The following PLA2G5 variants were observed in gnomAD, a reference collection of about 807,000 sequenced individuals.
The protein encoded by PLA2G5 is Ca2+-dependent phospholipase A2.
PLA2G5 carries 12 observed loss-of-function variants against 15.9 expected under a neutral mutation model. The ratio of observed to expected loss-of-function variants is 0.76; its 90% confidence interval spans 0.48 to 1.23. The LOEUF is 1.23. Among genes scored for constraint, PLA2G5 ranks in the 50% most tolerant of loss-of-function variants. PLA2G5 has a pLI of 0.00. For missense variants in PLA2G5, 169 were observed against 177.1 expected (o/e 0.95, Z 0.26); for synonymous variants, 71 against 71.4 (o/e 0.99, Z 0.03).
intron 1 of PLA2G5, among the ~76,000 whole-genome samples, chr1:20,045,833 A>G (rs1301874342): frequency 6.6e-6 from 1 of 152,190 alleles, no homozygotes; most frequent in Non-Finnish European, 1.5e-5. Flanking sequence ...AAACAGCTTT[A>G]TTGCTCACAC....
chr1:20,088,377 A>G (rs978534751), intron 3 of PLA2G5, among the ~76,000 whole-genome samples: 8 of 151,590 alleles, frequency 5.3e-5, no homozygotes, highest in African/African-American at 1.7e-4. Context: ...AAAAAAAGGC[A>G]AGACAATGAA....
At chr1:20,088,100 G>A (rs1217743380) in intron 3 of PLA2G5, among the ~76,000 whole-genome samples, 1 of 151,096 alleles carries the variant, frequency 6.6e-6, no homozygotes. Flanking sequence ...GCTCACGCCT[G>A]TAATCCCAGC....
At chr1:20,044,847 C>G (rs895755984) in intron 1 of PLA2G5, among the ~76,000 whole-genome samples, 13 of 151,128 alleles carry the variant, frequency 8.6e-5, no homozygotes, top group African/African-American at 2.7e-4. Flanking sequence ...TCAGATGGGT[C>G]GGTAGAAAAG....
intron 1 of PLA2G5, among the ~76,000 whole-genome samples, chr1:20,034,916 G>GA (rs1356845096): frequency 2.0e-5 from 3 of 152,082 alleles, no homozygotes; most frequent in Non-Finnish European, 4.4e-5. Context: ...GAGGAAAAAG[G>GA]AGAGTCACCC....
intron 2 of PLA2G5, among the ~76,000 whole-genome samples, chr1:20,064,789 G>T (rs574598359): frequency 6.6e-6 from 1 of 152,208 alleles, no homozygotes; most frequent in Admixed American, 6.5e-5. Flanking sequence ...CTCCAGTCTT[G>T]TTTGTCTGCT....
At chr1:20,084,072 A>T (rs1282400123) in intron 1 of PLA2G5, among the ~76,000 whole-genome samples, 4 of 151,934 alleles carry the variant, frequency 2.6e-5, no homozygotes, top group African/African-American at 9.7e-5. Flanking sequence ...TGTCAAAAAT[A>T]ATTATGTGAA....
At chr1:20,045,703 C>A (rs1051505075) in intron 1 of PLA2G5, among the ~76,000 whole-genome samples, 2 of 152,204 alleles carry the variant, frequency 1.3e-5, no homozygotes, top group Non-Finnish European at 1.5e-5. Context: ...ATAGGTGGAT[C>A]TTTCTCATGG....
chr1:20,042,995 GAA>G (rs771375719), intron 1 of PLA2G5, among the ~76,000 whole-genome samples: 1 of 152,164 alleles, frequency 6.6e-6, no homozygotes, highest in Non-Finnish European at 1.5e-5. Context: ...CGGACGGAAA[GAA>G]AGTAAATCAT....
At chr1:20,068,516 A>G (rs1302867444), upstream of PLA2G5, among the ~76,000 whole-genome samples, 2 of 151,358 alleles carry the variant, frequency 1.3e-5, no homozygotes, top group East Asian at 3.9e-4. Flanking sequence ...CAATGGCACA[A>G]TCTCTGCTCA....
chr1:20,039,665 G>C (rs2013477447), intron 1 of PLA2G5, among the ~76,000 whole-genome samples: 2 of 152,064 alleles, frequency 1.3e-5, no homozygotes, highest in Non-Finnish European at 2.9e-5. Flanking sequence ...AAAGTGAGGG[G>C]AAGTGGAGAG....
At chr1:20,040,492 T>C (rs1052565917) in intron 1 of PLA2G5, among the ~76,000 whole-genome samples, 2 of 152,130 alleles carry the variant, frequency 1.3e-5, no homozygotes, top group Non-Finnish European at 2.9e-5. Flanking sequence ...TTTTTCCTTT[T>C]TCTCAAAATG....
chr1:20,029,949 C>G (rs1012562608), intron 1 of PLA2G5, among the ~76,000 whole-genome samples: 1 of 152,154 alleles, frequency 6.6e-6, no homozygotes, highest in Non-Finnish European at 1.5e-5. Context: ...GTTATGGTGG[C>G]AAGCCATGAG....
intron 1 of PLA2G5, among the ~76,000 whole-genome samples, chr1:20,073,709 C>T (rs1293338615): frequency 6.6e-6 from 1 of 151,974 alleles, no homozygotes; most frequent in Non-Finnish European, 1.5e-5. Context: ...ATGGTGAAAC[C>T]CCGTCTCTAT....
At chr1:20,069,099 TTTATACTCATCAGA>T (rs1305012605), upstream of PLA2G5, 3 of 462,562 alleles carry the variant, frequency 6.5e-6, no homozygotes, top group African/African-American at 6.0e-5. Flanking sequence ...GATACGCAAT[TTTATACTCATCAGA>T]TTGGGAAGAA....
intron 1 of PLA2G5, among the ~76,000 whole-genome samples, chr1:20,042,256 G>A (rs1406070942): frequency 6.6e-6 from 1 of 152,172 alleles, no homozygotes; most frequent in Non-Finnish European, 1.5e-5. Flanking sequence ...CTGGTGAGTG[G>A]AGATTAGGCC....
rs954782801 is a variant in PLA2G5, at chr1:20,070,310, G to A, written c.-166G>A. 1.0e-6 allele frequency: 1 copy of A among 985,468 alleles called. No homozygotes were observed. Among genetic ancestry groups the A allele is most frequent in the Non-Finnish European group, 1.2e-6 (1 of 829,954 alleles). The allele number at this position is 985,468 out of a possible 1,614,324, so 61.0% of individuals were successfully genotyped here. ...CATTCACAGCTTTAAGATTCTGGAGGCCAAGAATTTGACTCCCCCCGGATC... is the reference window on the plus strand; with the variant it reads ...CATTCACAGCTTTAAGATTCTGGAGACCAAGAATTTGACTCCCCCCGGATC... On this transcript the variant is annotated 5_prime_UTR_variant, in exon 1 of 5. Transcript: ENST00000375108.
intron 1 of PLA2G5, among the ~76,000 whole-genome samples, chr1:20,074,309 A>T (rs866388857): frequency 7.9e-5 from 12 of 151,966 alleles, no homozygotes; most frequent in Non-Finnish European, 1.5e-4. Context: ...TCTGCACACG[A>T]CTCTGGCCTG....
intron 1 of PLA2G5, among the ~76,000 whole-genome samples, chr1:20,040,715 A>G (rs1444569427): frequency 6.6e-6 from 1 of 152,226 alleles, no homozygotes; most frequent in Non-Finnish European, 1.5e-5. Flanking sequence ...TGAGGCCCCA[A>G]AATCACTAAG....
At chr1:20,029,325 C>A (rs562575216) in intron 1 of PLA2G5, among the ~76,000 whole-genome samples, 1 of 152,230 alleles carries the variant, frequency 6.6e-6, no homozygotes, top group South Asian at 2.1e-4. Context: ...CAACGTCCAG[C>A]CACCCGTGTG....
Sources: allele counts gnomAD v4.1 joint callset (sites outside exome capture counted in the v4.1 genomes callset), GRCh38; gene constraint gnomAD v4.1.1; transcripts MANE v1.5; gene names NCBI Gene and HGNC (gene_info 2026-07-23, HGNC 2026-07-21).